MAP4: variants seen among roughly 807,000 people sequenced by gnomAD.
MAP4 encodes microtubule-associated protein 4.
MAP4 carries 76 observed loss-of-function variants against 170.2 expected under a neutral mutation model. The observed-to-expected ratio is 0.45, with a 90% CI of 0.37 to 0.54. MAP4 has a LOEUF of 0.54. MAP4 is among the 20% of genes least tolerant of loss of function. The pLI, the probability that MAP4 is intolerant of heterozygous loss-of-function variation, is 0.00. For synonymous variants in MAP4, 909 were observed against 994.5 expected, an observed-to-expected ratio of 0.91 and a Z score of 1.62; for missense variants, 2,506 against 2,748.0, an observed-to-expected ratio of 0.91 and a Z score of 1.97.
At chr3:47,989,660 G>A (rs533463738) in intron 2 of MAP4, among the ~76,000 whole-genome samples, 14 of 152,242 alleles carry the variant, frequency 9.2e-5, no homozygotes, top group South Asian at 6.2e-4. Context: ...ATAAGCCCAG[G>A]AGAGAATAAA....
At chr3:48,045,754 G>A (rs1430125131) in intron 1 of MAP4, among the ~76,000 whole-genome samples, 3 of 152,160 alleles carry the variant, frequency 2.0e-5, no homozygotes, top group Non-Finnish European at 4.4e-5. Context: ...TGTTAGCCAG[G>A]ATGGTCTCGA....
intron 1 of MAP4, among the ~76,000 whole-genome samples, chr3:48,053,311 C>A (rs1473868988): frequency 2.0e-5 from 3 of 152,064 alleles, no homozygotes; most frequent in Non-Finnish European, 4.4e-5. Context: ...AGATTTAAGT[C>A]GTTCTGGTTT....
At chr3:47,880,259 A>ATTTTTTTT (rs35700801) in intron 10 of MAP4, among the ~76,000 whole-genome samples, 1 of 106,380 alleles carries the variant, frequency 9.4e-6, no homozygotes, top group Non-Finnish European at 1.8e-5. Context: ...CACCTGGCTA[A>ATTTTTTTT]TTTTTTTTTT....
chr3:47,982,645 CA>C (rs553551480), intron 2 of MAP4, among the ~76,000 whole-genome samples: 74 of 151,954 alleles, frequency 4.9e-4, no homozygotes, highest in African/African-American at 1.8e-3. Flanking sequence ...AGTATGTGAC[CA>C]AAAGTTAAGA....
At chr3:48,063,857 AAAT>A (rs1308051632) in intron 1 of MAP4, among the ~76,000 whole-genome samples, 1 of 152,206 alleles carries the variant, frequency 6.6e-6, no homozygotes, top group Admixed American at 6.5e-5. Context: ...AAGTAGGGAT[AAAT>A]AGGTGGAGTA....
intron 12 of MAP4, among the ~76,000 whole-genome samples, chr3:47,874,909 A>G (rs143014112): frequency 2.6e-5 from 4 of 151,118 alleles, no homozygotes; most frequent in East Asian, 1.9e-4. Context: ...AAAGAGTACT[A>G]TCAGGCTGAC....
At chr3:48,048,504 ATCT>A (rs1326955155) in intron 1 of MAP4, among the ~76,000 whole-genome samples, 4 of 119,840 alleles carry the variant, frequency 3.3e-5, no homozygotes, top group East Asian at 2.6e-4. Flanking sequence ...GATCTCAATT[ATCT>A]TTTTTTTTTT....
intron 3 of MAP4, among the ~76,000 whole-genome samples, chr3:47,975,932 G>A (rs1006479676): frequency 6.6e-6 from 1 of 151,994 alleles, no homozygotes; most frequent in African/African-American, 2.4e-5. Context: ...TGGGACTACA[G>A]GCACGTGCCA....
At chr3:47,972,183 G>A (rs903142676) in intron 3 of MAP4, among the ~76,000 whole-genome samples, 1 of 152,172 alleles carries the variant, frequency 6.6e-6, no homozygotes, top group African/African-American at 2.4e-5. Flanking sequence ...TCAACATATT[G>A]TACTTGCAAC....
intron 3 of MAP4, among the ~76,000 whole-genome samples, chr3:47,955,401 C>CGT (rs1244356364): frequency 1.3e-5 from 2 of 149,350 alleles, no homozygotes; most frequent in African/African-American, 4.9e-5. Context: ...ATCTTGATCG[C>CGT]GTGACATTCC....
rs537424068 is a variant in MAP4, at chr3:47,958,485, T to G, written c.292+19380A>C. Among the ~76,000 whole-genome samples the G allele has an allele frequency of 9.2e-5, 14 of 152,286 alleles. No homozygotes were observed. The East Asian group carries it at 1.2e-3, about 13-fold the overall frequency. ...TATTCTAACCATTTTCTTCTTTCCT[T>G]CTTCCCATTATTATAAGTTGGAATT... On this transcript the variant is annotated intron_variant, in intron 3 of 20. Transcript: ENST00000683076.
chr3:47,991,798 A>G lies in MAP4; in HGVS notation c.223+6840T>C, dbSNP rs567210080. Among the ~76,000 whole-genome samples, 8 of 151,940 alleles carry G rather than the reference A, an allele frequency of 5.3e-5. No individual in the cohort carries two copies. In the South Asian group the frequency reaches 1.7e-3, roughly 32 times the overall value. ...TTACTCTTGCCTCAGCCTCCTGAGTAGCTGGGATTACAGGTGCCCACCACC... is the reference window on the plus strand; with the variant it reads ...TTACTCTTGCCTCAGCCTCCTGAGTGGCTGGGATTACAGGTGCCCACCACC... On this transcript the variant is annotated intron_variant, in intron 2 of 20. Transcript: ENST00000683076.
chr3:47,855,461 T>C lies in MAP4; in HGVS notation c.6584-101A>G, dbSNP rs2053936381. The stretch of plus-strand genomic sequence containing the variant: ...GCCCAATCTAGAAATGAGACAGACG[T>C]GACCTGTTCTGGGTGGCAAATGAAG... On this transcript the variant is annotated intron_variant, in intron 18 of 20. Transcript: ENST00000683076. This position sits in a 1 kb window ranked among gnomAD's most constrained non-coding sequence, Gnocchi z 5.1. 2.6e-6 allele frequency: 2 copies of C among 759,480 alleles called. No homozygotes were observed. The highest frequency in any genetic ancestry group is 4.8e-6 in the Non-Finnish European group (2 of 419,026). The allele number at this position is 759,480 out of a possible 1,614,324, so 47.0% of individuals were successfully genotyped here.
Position 47,857,588 on chromosome 3 carries a change from T to TAATAAATAAATAATAAATATA in MAP4, c.6502-77_6502-76insTATATTTATTATTTATTTATT, listed in dbSNP as rs1177287721. The TAATAAATAAATAATAAATATA allele has an allele frequency of 3.7e-5, 37 of 990,798 alleles. 1 individual carries two copies. Among genetic ancestry groups the TAATAAATAAATAATAAATATA allele is most frequent in the Non-Finnish European group, 4.7e-5 (29 of 623,038 alleles). 61.4% of individuals were successfully genotyped at this position (990,798 alleles called of 1,614,324 possible). On this transcript the variant is annotated intron_variant, in intron 17 of 20. Coordinates refer to ENST00000683076, the MANE Select transcript of MAP4 (RefSeq NM_001385682.1). ...AGCCAACCCCATGCTACCTTTTAAA[T>TAATAAATAAATAATAAATATA]CTTCTCCATGTTCAGGGTTTCTCGC...
At chr3:48,073,391 C>T (rs2100142036) in intron 1 of MAP4, among the ~76,000 whole-genome samples, 1 of 139,336 alleles carries the variant, frequency 7.2e-6, no homozygotes. Flanking sequence ...CGGGTGGGAT[C>T]ACCTGAGGTC....
intron 17 of MAP4, among the ~76,000 whole-genome samples, chr3:47,858,586 G>GT (rs2060243590): frequency 6.9e-6 from 1 of 145,180 alleles, no homozygotes; most frequent in African/African-American, 2.6e-5. Context: ...GTGAGGGGGT[G>GT]GTGTGTGTGT....
At chr3:47,946,343 C>A (rs2100059893) in intron 3 of MAP4, among the ~76,000 whole-genome samples, 1 of 151,516 alleles carries the variant, frequency 6.6e-6, no homozygotes, top group African/African-American at 2.4e-5. Context: ...TCAGAGTAGG[C>A]CAAAACAAGA....
chr3:48,030,368 T>C (rs2100115386), intron 1 of MAP4, among the ~76,000 whole-genome samples: 1 of 151,740 alleles, frequency 6.6e-6, no homozygotes. Context: ...CATTCTCTGA[T>C]AAAGAAACCA....
intron 4 of MAP4, among the ~76,000 whole-genome samples, chr3:47,926,175 A>G (rs2100045825): frequency 7.0e-6 from 1 of 143,844 alleles, no homozygotes; most frequent in African/African-American, 2.6e-5. Context: ...GAATTAAGTT[A>G]CTCTATTTTA....
Sources: allele counts gnomAD v4.1 joint callset (sites outside exome capture counted in the v4.1 genomes callset), GRCh38; gene constraint gnomAD v4.1.1; non-coding constraint Gnocchi (gnomAD v3.1); transcripts MANE v1.5; gene names NCBI Gene and HGNC (gene_info 2026-07-23, HGNC 2026-07-21).